HPSE2: variants seen among roughly 807,000 people sequenced by gnomAD.
HPSE2 encodes inactive heparanase-2.
Under a neutral mutation model 60.5 loss-of-function variants are expected in HPSE2, and 38 were observed. The observed-to-expected ratio is 0.63, with a 90% CI of 0.48 to 0.82. The LOEUF (loss-of-function observed/expected upper bound fraction) is 0.82, where lower values mean the gene tolerates loss of function less well. HPSE2 is among the 40% of genes least tolerant of loss of function. The probability of loss-of-function intolerance (pLI) is 0.00; values close to 1 mark genes in which losing one functional copy is unlikely to be tolerated. For synonymous variants in HPSE2, 295 were observed against 293.2 expected, an observed-to-expected ratio of 1.01 and a Z score of -0.06; for missense variants, 713 against 740.4, an observed-to-expected ratio of 0.96 and a Z score of 0.43.
chr10:98,798,456 T>C (rs550822391), intron 3 of HPSE2, among the ~76,000 whole-genome samples: 4 of 152,316 alleles, frequency 2.6e-5, no homozygotes, highest in Admixed American at 2.6e-4. Flanking sequence ...AATTATAGTG[T>C]GTAAACTATT....
chr10:99,093,016 T>C (rs953037494), intron 3 of HPSE2, among the ~76,000 whole-genome samples: 1 of 152,056 alleles, frequency 6.6e-6, no homozygotes, highest in African/African-American at 2.4e-5. Context: ...GATCACAAGG[T>C]CAGGAGTTTG....
the HPSE2 span, among the ~76,000 whole-genome samples, chr10:99,309,268 T>C: frequency 6.6e-6 from 1 of 152,162 alleles, no homozygotes; most frequent in African/African-American, 2.4e-5. Context: ...TCATAATGGT[T>C]CCACAACTCT....
intron 9 of HPSE2, among the ~76,000 whole-genome samples, chr10:98,498,465 A>T (rs1400275580): frequency 1.3e-5 from 2 of 152,144 alleles, no homozygotes; most frequent in African/African-American, 4.8e-5. Context: ...CATCAAGGGA[A>T]CACCCCATGG....
chr10:99,284,694 T>C, the HPSE2 span, among the ~76,000 whole-genome samples: 6 of 152,214 alleles, frequency 3.9e-5, no homozygotes, highest in South Asian at 1.2e-3. Context: ...TTTGGGTTTT[T>C]TAACTTTCAT....
intron 3 of HPSE2, among the ~76,000 whole-genome samples, chr10:98,860,431 C>A (rs1479670494): frequency 6.6e-6 from 1 of 152,106 alleles, no homozygotes; most frequent in Non-Finnish European, 1.5e-5. Flanking sequence ...AATACCTCTC[C>A]CCGACAAGAA....
Position 98,693,896 on chromosome 10 carries a change from C to T in HPSE2, c.1004+4G>A. 4 of 1,609,808 alleles carry T rather than the reference C, an allele frequency of 2.5e-6. No homozygotes were observed. The highest frequency in any genetic ancestry group is 2.2e-5 in the East Asian group (1 of 44,834). ...AAGTAAGAGCAAAAATGGTGAATAC[C>T]TACTGTTGCCAGGTAACTGCATCTA... On this transcript the variant is annotated splice_donor_region_variant and intron_variant, in intron 6 of 11. Coordinates refer to ENST00000370552, the MANE Select transcript of HPSE2 (RefSeq NM_021828.5).
At chr10:99,103,603 T>A (rs1334265161) in intron 3 of HPSE2, among the ~76,000 whole-genome samples, 2 of 152,282 alleles carry the variant, frequency 1.3e-5, no homozygotes, top group South Asian at 4.1e-4. Flanking sequence ...AAGCTACCAA[T>A]GACTTTCTTC....
intron 10 of HPSE2, among the ~76,000 whole-genome samples, chr10:98,488,964 A>C (rs1941543192): frequency 6.6e-6 from 1 of 152,060 alleles, no homozygotes; most frequent in Non-Finnish European, 1.5e-5. Flanking sequence ...ATGATAAATT[A>C]ATTGGCTTGG....
intron 9 of HPSE2, among the ~76,000 whole-genome samples, chr10:98,546,642 C>G (rs1303790412): frequency 6.6e-6 from 1 of 151,244 alleles, no homozygotes; most frequent in East Asian, 1.9e-4. Flanking sequence ...ACACCTTACA[C>G]AAAAATTAAT....
intron 3 of HPSE2, among the ~76,000 whole-genome samples, chr10:98,916,384 T>C (rs1394074342): frequency 6.6e-6 from 1 of 152,234 alleles, no homozygotes; most frequent in Non-Finnish European, 1.5e-5. Context: ...ACATACTATT[T>C]GACATCCAGT....
chr10:99,158,672 A>G (rs1474028305), intron 2 of HPSE2, among the ~76,000 whole-genome samples: 2 of 149,110 alleles, frequency 1.3e-5, no homozygotes, highest in African/African-American at 2.5e-5. Flanking sequence ...GGTGCAGCGC[A>G]CCAGCATGGC....
intron 3 of HPSE2, among the ~76,000 whole-genome samples, chr10:98,833,420 A>G (rs1337298812): frequency 6.6e-6 from 1 of 152,220 alleles, no homozygotes; most frequent in Non-Finnish European, 1.5e-5. Flanking sequence ...AGGAATAACC[A>G]TGCTTCAGAC....
intron 3 of HPSE2, among the ~76,000 whole-genome samples, chr10:98,862,642 G>A (rs1183797286): frequency 1.3e-5 from 2 of 152,142 alleles, no homozygotes; most frequent in South Asian, 2.1e-4. Flanking sequence ...CCCTATAGAA[G>A]CTTTTGGGAT....
chr10:98,734,755 T>C, intron 4 of HPSE2, among the ~76,000 whole-genome samples: 1 of 152,158 alleles, frequency 6.6e-6, no homozygotes, highest in East Asian at 1.9e-4. Flanking sequence ...TATTCATATT[T>C]CCAAGAAGTA....
intron 2 of HPSE2, among the ~76,000 whole-genome samples, chr10:99,169,192 CAAAAAAAAAAAA>C (rs751491579): frequency 4.0e-5 from 2 of 50,512 alleles, no homozygotes; most frequent in Middle Eastern, 0.02. Flanking sequence ...GACTCCGTCT[CAAAAAAAAAAAA>C]AAAAAAAAGT....
intron 3 of HPSE2, among the ~76,000 whole-genome samples, chr10:99,088,258 C>T (rs979399910): frequency 6.6e-6 from 1 of 152,082 alleles, no homozygotes; most frequent in Non-Finnish European, 1.5e-5. Context: ...TATTTGGCTA[C>T]ATGAATAAGT....
At chr10:98,920,091 C>T (rs1954239216) in intron 3 of HPSE2, among the ~76,000 whole-genome samples, 1 of 152,166 alleles carries the variant, frequency 6.6e-6, no homozygotes, top group African/African-American at 2.4e-5. Context: ...GTCATGCTCC[C>T]CACTTCCACA....
chr10:98,589,105 T>C (rs543380952), intron 9 of HPSE2, among the ~76,000 whole-genome samples: 14 of 152,250 alleles, frequency 9.2e-5, no homozygotes, highest in African/African-American at 2.6e-4. Flanking sequence ...TAAAATAACA[T>C]AGTGTAAGGA....
chr10:98,837,991 A>T (rs1425311716), intron 3 of HPSE2, among the ~76,000 whole-genome samples: 1 of 152,120 alleles, frequency 6.6e-6, no homozygotes, highest in Non-Finnish European at 1.5e-5. Context: ...ATGAATATTC[A>T]TTATACTATT....
Sources: gnomAD v4.1 joint callset for allele counts (sites outside exome capture counted in the v4.1 genomes callset) on GRCh38, gnomAD v4.1.1 for gene constraint, MANE v1.5 for transcripts, NCBI Gene and HGNC (gene_info 2026-07-23, HGNC 2026-07-21) for gene names.